MAPKBP1: variants seen among roughly 807,000 people sequenced by gnomAD.
The protein encoded by MAPKBP1 is mitogen-activated protein kinase binding protein 1.
Under a neutral mutation model 170.5 loss-of-function variants are expected in MAPKBP1, and 71 were observed. The observed-to-expected ratio is 0.42, with a 90% CI of 0.34 to 0.51. The LOEUF (loss-of-function observed/expected upper bound fraction) is 0.51. MAPKBP1 is among the 20% of genes least tolerant of loss of function. The pLI is 0.06. For missense variants in MAPKBP1, 1,598 were observed against 1,933.0 expected (o/e 0.83, Z 3.25); for synonymous variants, 719 against 757.9 (o/e 0.95, Z 0.84).
At chr15:41,787,383 G>A (rs1252702372) in intron 2 of MAPKBP1, among the ~76,000 whole-genome samples, 1 of 147,116 alleles carries the variant, frequency 6.8e-6, no homozygotes, top group Non-Finnish European at 1.5e-5. Flanking sequence ...TGGGTGGGGG[G>A]CAGGGACAGA....
chr15:41,813,460 C>A, intron 8 of MAPKBP1, 161 bp from the exon 9 acceptor site: 1 of 1,423,324 alleles, frequency 7.0e-7, no homozygotes. Flanking sequence ...TAATCCCTGG[C>A]TGGACAGGGC....
chr15:41,784,445 G>A (rs1225083304), intron 2 of MAPKBP1, among the ~76,000 whole-genome samples: 3 of 152,010 alleles, frequency 2.0e-5, no homozygotes. Context: ...GTTCAAGACT[G>A]GCCTGGGCAA....
chr15:41,784,780 C>CAA lies in MAPKBP1; in HGVS notation c.114+9412_114+9413dup, dbSNP rs35050206. Among the ~76,000 whole-genome samples the CAA allele has an allele frequency of 7.1e-3, 671 of 94,416 alleles. 27 individuals carry two copies. Among genetic ancestry groups the CAA allele is most frequent in the African/African-American group, 0.014 (304 of 21,506 alleles). 61.9% of individuals were successfully genotyped at this position (94,416 alleles called of 152,430 possible). A position where few individuals can be genotyped will look rare whatever the true frequency, so the allele number is the denominator to read the frequency against. On this transcript the variant is annotated intron_variant, in intron 2 of 30. Coordinates refer to ENST00000457542, the MANE Select transcript of MAPKBP1 (RefSeq NM_014994.3). Reference sequence around the variant, plus strand: ...CTGGCAATAGAGCGAGACTCCGTCTCAAAAAAAAAAAAAAAAAAAAAATTA... The same window carrying CAA: ...CTGGCAATAGAGCGAGACTCCGTCTCAAAAAAAAAAAAAAAAAAAAAAAATTA...
rs745450007 is a variant in MAPKBP1 at position 41,810,878 on chromosome 15, C to G, written c.207-5C>G. The G allele has an allele frequency of 6.2e-7, 1 of 1,614,162 alleles. No individual in the cohort carries two copies. The highest frequency in any genetic ancestry group is 8.5e-7 in the Non-Finnish European group (1 of 1,179,996). ...GCTGAGCCTGTTGTCTGCTCATCTC[C>G]TCAGGTGTGTGGTTGTGTTGTTCAA... On this transcript the variant is annotated splice_polypyrimidine_tract_variant and splice_region_variant and intron_variant, in intron 3 of 30. Coordinates refer to ENST00000457542, the MANE Select transcript of MAPKBP1 (RefSeq NM_014994.3).
At chr15:41,780,202 T>G (rs2064162199) in intron 2 of MAPKBP1, among the ~76,000 whole-genome samples, 2 of 152,226 alleles carry the variant, frequency 1.3e-5, no homozygotes, top group African/African-American at 4.8e-5. Context: ...GCAGGTTCCC[T>G]TCTTGGATTT....
At chr15:41,811,873 G>A (rs1276802132) in intron 5 of MAPKBP1, 84 bp from the exon 6 acceptor site, 8 of 1,438,658 alleles carry the variant, frequency 5.6e-6, no homozygotes, top group South Asian at 4.8e-5. Context: ...CTGAGGAGGC[G>A]AGGGCCCCGC....
rs1023041655 is a variant in MAPKBP1 at position 41,822,525 on chromosome 15, CAAG to C, written c.3230-67_3230-65del. 51 of 1,606,742 alleles carry C rather than the reference CAAG, an allele frequency of 3.2e-5. 1 individual carries two copies. In the African/African-American group the frequency reaches 5.2e-4, roughly 16 times the overall value. On this transcript the variant is annotated intron_variant, in intron 26 of 30. Transcript: ENST00000457542. The stretch of plus-strand genomic sequence containing the variant: ...GGGTATAGGCTGTGGCTGGGGGTCT[CAAG>C]GAGGCAAAATCTGGGGCAAGGGCTT...
Position 41,817,274 on chromosome 15 carries a change from T to C in MAPKBP1, c.1712-114T>C, listed in dbSNP as rs2064907918. On this transcript the variant is annotated intron_variant, in intron 14 of 30. Transcript: ENST00000457542. This position sits in a 1 kb window ranked among gnomAD's most constrained non-coding sequence, Gnocchi z 4.2. The stretch of plus-strand genomic sequence containing the variant: ...GGGTTTCCAGGTTTAATTTAGTTGG[T>C]TTTCCCTGGCATGTAGAGTAGCTTG... The C allele has an allele frequency of 1.5e-6, 2 of 1,294,040 alleles. No homozygotes were observed. Among genetic ancestry groups the C allele is most frequent in the East Asian group, 4.6e-5 (2 of 43,024 alleles). 80.2% of individuals were successfully genotyped at this position (1,294,040 alleles called of 1,614,324 possible).
At chr15:41,787,424 G>A (rs974628084) in intron 2 of MAPKBP1, among the ~76,000 whole-genome samples, 2 of 152,018 alleles carry the variant, frequency 1.3e-5, no homozygotes, top group African/African-American at 4.8e-5. Flanking sequence ...CTAGAGTGCA[G>A]TGGTGTGATC....
rs199624339 is a variant in MAPKBP1, at chr15:41,822,222, C to A, written c.3032-3C>A. ...GATGCCTCTCTCCCCTCCCCACACC[C>A]AGACTCTGAGAGCACGGAGCCCCTC... On this transcript the variant is annotated splice_polypyrimidine_tract_variant and splice_region_variant and intron_variant, in intron 25 of 30. Coordinates refer to ENST00000457542, the MANE Select transcript of MAPKBP1 (RefSeq NM_014994.3). 930 of 1,611,006 alleles carry A rather than the reference C, an allele frequency of 5.8e-4. 17 individuals are homozygous for A. The South Asian group carries it at 8.7e-3, about 15-fold the overall frequency.
chr15:41,781,650 A>G (rs948989337), intron 2 of MAPKBP1, among the ~76,000 whole-genome samples: 8 of 152,146 alleles, frequency 5.3e-5, no homozygotes, highest in African/African-American at 1.9e-4. Flanking sequence ...CTTAAAAACA[A>G]ACAAAAACTG....
At position 41,817,299 on chromosome 15, in the gene MAPKBP1, G is replaced by C. The variant is rs989897135; in HGVS notation, c.1712-89G>C. ...TTTTCCCTGGCATGTAGAGTAGCTT[G>C]ATGGGGGATCTCATGGAGGGAAGGT... On this transcript the variant is annotated intron_variant, in intron 14 of 30. Coordinates refer to ENST00000457542, the MANE Select transcript of MAPKBP1 (RefSeq NM_014994.3). The surrounding 1 kb of genome is among the most constrained non-coding windows in gnomAD (Gnocchi z 4.2). 7.2e-7 allele frequency: 1 copy of C among 1,396,076 alleles called. No individual in the cohort carries two copies. The highest frequency in any genetic ancestry group is 1.0e-6 in the Non-Finnish European group (1 of 983,092). The allele number at this position is 1,396,076 out of a possible 1,614,324, so 86.5% of individuals were successfully genotyped here.
In MAPKBP1 at chr15:41,786,370, A is replaced by G. The variant is rs1236640976; in HGVS notation, c.114+10981A>G. On this transcript the variant is annotated intron_variant, in intron 2 of 30. Transcript: ENST00000457542. ...AAAAATAAAGATGGAAGTCTCTCCA[A>G]TTTAAACATGTGTATTTCATATGTA... 2.6e-5 allele frequency among the ~76,000 whole-genome samples: 4 copies of G among 152,182 alleles called. No individual in the cohort carries two copies. In the South Asian group the frequency reaches 6.2e-4, roughly 24 times the overall value.
At chr15:41,815,928 A>G (rs2064883299) in intron 12 of MAPKBP1, 129 bp downstream of exon 12, 4 of 904,786 alleles carry the variant, frequency 4.4e-6, no homozygotes, top group Non-Finnish European at 5.0e-6. Flanking sequence ...AAAGATAATA[A>G]CTTCACAATG....
intron 2 of MAPKBP1, 47 bp from the exon 3 acceptor site, chr15:41,799,776 C>G (rs2064557148): frequency 1.3e-6 from 2 of 1,533,244 alleles, no homozygotes; most frequent in Non-Finnish European, 1.8e-6. Flanking sequence ...ACCTTCTTCC[C>G]AAACACACTC....
chr15:41,816,460 AAAAAAGG>A (rs1365971903), intron 12 of MAPKBP1, 92 bp from the exon 13 acceptor site: 7 of 809,546 alleles, frequency 8.6e-6, no homozygotes, highest in Non-Finnish European at 1.2e-5. Flanking sequence ...TAAAAGTTCA[AAAAAAGG>A]AAAAAGGAGG....
intron 3 of MAPKBP1, among the ~76,000 whole-genome samples, chr15:41,810,165 G>T (rs934603032): frequency 6.6e-6 from 1 of 152,220 alleles, no homozygotes; most frequent in African/African-American, 2.4e-5. Flanking sequence ...CCCCAAGCCT[G>T]TGAACGGGCT....
intron 2 of MAPKBP1, among the ~76,000 whole-genome samples, chr15:41,783,582 G>A (rs75053343): frequency 0.014 from 2,104 of 152,260 alleles, 52 homozygotes; most frequent in African/African-American, 0.048. Context: ...CATTATAGGT[G>A]CAAAAGTATG....
intron 2 of MAPKBP1, among the ~76,000 whole-genome samples, chr15:41,789,034 A>G (rs112180584): frequency 3.9e-5 from 6 of 152,192 alleles, no homozygotes; most frequent in South Asian, 2.1e-4. Flanking sequence ...GTTTCATGGC[A>G]TAAGTTGTGT....
Sources: allele counts gnomAD v4.1 joint callset (sites outside exome capture counted in the v4.1 genomes callset), GRCh38; gene constraint gnomAD v4.1.1; non-coding constraint Gnocchi (gnomAD v3.1); transcripts MANE v1.5; gene names NCBI Gene and HGNC (gene_info 2026-07-23, HGNC 2026-07-21).